Variants in RPA1 observed in about 807,000 individuals in gnomAD.
RPA1 encodes replication protein A1.
Under a neutral mutation model 83.0 loss-of-function variants are expected in RPA1, and 49 were observed. The observed-to-expected ratio is 0.59, with a 90% CI of 0.47 to 0.75. The LOEUF (loss-of-function observed/expected upper bound fraction) is 0.75, where lower values mean the gene tolerates loss of function less well. RPA1 is among the 30% of genes least tolerant of loss of function. The probability of loss-of-function intolerance (pLI) is 0.00; values close to 1 mark genes in which losing one functional copy is unlikely to be tolerated. For synonymous variants in RPA1, 279 were observed against 281.8 expected (o/e 0.99, Z 0.10); for missense variants, 693 against 776.1 (o/e 0.89, Z 1.27).
At chr17:1,889,504 T>C (rs1165586291) in intron 14 of RPA1, among the ~76,000 whole-genome samples, 1 of 151,936 alleles carries the variant, frequency 6.6e-6, no homozygotes, top group African/African-American at 2.4e-5. Flanking sequence ...CCCAGCTAAT[T>C]TTTAAAATTA....
chr17:1,879,792 G>A, intron 11 of RPA1, 93 bp downstream of exon 11: 1 of 1,505,150 alleles, frequency 6.6e-7, no homozygotes, highest in Non-Finnish European at 9.1e-7. Context: ...AGCACACACA[G>A]GAGGAGCTCC....
At chr17:1,833,015 C>T (rs1327996353) in intron 1 of RPA1, among the ~76,000 whole-genome samples, 1 of 152,212 alleles carries the variant, frequency 6.6e-6, no homozygotes, top group African/African-American at 2.4e-5. Flanking sequence ...CAACCTCTGC[C>T]TCCCGGGTTC....
intron 3 of RPA1, 62 bp downstream of exon 3, chr17:1,844,060 C>T: frequency 6.9e-7 from 1 of 1,442,218 alleles, no homozygotes; most frequent in South Asian, 1.2e-5. Context: ...CACACCTGGT[C>T]CTTTGGTTGC....
Position 1,853,164 on chromosome 17 carries a change from T to G in RPA1, c.336T>G (p.Ile112Met), listed in dbSNP as rs750892999. Residue 112 changes from isoleucine (I) to methionine (M), a missense_variant, in exon 5 of 17, where the codon ATT becomes ATG. Transcript: ENST00000254719. Reference protein sequence around the residue: ...LKSAEAVGVKIGNPVPYNEGL... With the variant: ...LKSAEAVGVKMGNPVPYNEGL... Reference sequence around the variant, plus strand: ...CAGCTGAAGCAGTTGGAGTGAAGATTGGCAATCCAGTGCCCTATAATGAAG... The same window carrying G: ...CAGCTGAAGCAGTTGGAGTGAAGATGGGCAATCCAGTGCCCTATAATGAAG... 8.1e-6 allele frequency: 13 copies of G among 1,614,006 alleles called. No homozygotes were observed. In the South Asian group the frequency reaches 1.1e-4, roughly 14 times the overall value.
At position 1,842,790 on chromosome 17, in the gene RPA1, T is replaced by G. The variant is rs778982217; in HGVS notation, c.34-13T>G. On this transcript the variant is annotated splice_polypyrimidine_tract_variant and intron_variant, in intron 1 of 16. Coordinates refer to ENST00000254719, the MANE Select transcript of RPA1 (RefSeq NM_002945.5). ...AGTGCGTATCTCACACAAACCTGTTTTTACTCCCTCAGGCCATCATGCAGA... is the reference window on the plus strand; with the variant it reads ...AGTGCGTATCTCACACAAACCTGTTGTTACTCCCTCAGGCCATCATGCAGA... The G allele has an allele frequency of 6.2e-7, 1 of 1,613,004 alleles. No individual in the cohort carries two copies. The highest frequency in any genetic ancestry group is 1.3e-5 in the African/African-American group (1 of 74,896).
Position 1,897,431 on chromosome 17 carries a change from C to A in RPA1, c.*256C>A. On this transcript the variant is annotated 3_prime_UTR_variant, in exon 17 of 17. Coordinates refer to ENST00000254719, the MANE Select transcript of RPA1 (RefSeq NM_002945.5). ...AGCGCAAGACCAGTCACTCCCTCTG[C>A]CTTCAGGCTTCTGTCAATTTCATTA... 1 of 379,502 alleles carries A rather than the reference C, an allele frequency of 2.6e-6. No homozygotes were observed. Among genetic ancestry groups the A allele is most frequent in the Non-Finnish European group, 4.7e-6 (1 of 210,914 alleles). 23.5% of individuals were successfully genotyped at this position (379,502 alleles called of 1,614,324 possible).
Position 1,877,278 on chromosome 17 carries a change from A to C in RPA1, c.654A>C (p.Glu218Asp), listed in dbSNP as rs751641978. The C allele has an allele frequency of 6.2e-7, 1 of 1,614,154 alleles. No individual in the cohort carries two copies. The highest frequency in any genetic ancestry group is 1.3e-5 in the African/African-American group (1 of 75,052). ...GTACCTGGAGCAACTCCCGAGGGGA[A>C]GGGAAGCTTTTCTCCCTAGAACTGG... is the stretch of plus-strand genomic sequence containing the variant. ...QIRTWSNSRG[E>D]GKLFSLELVD... Residue 218 changes from glutamate to aspartate, a missense_variant, in exon 8 of 17, where the codon GAA becomes GAC. Coordinates refer to ENST00000254719, the MANE Select transcript of RPA1 (RefSeq NM_002945.5).
chr17:1,888,605 G>C, intron 13 of RPA1, 70 bp from the exon 14 acceptor site: 1 of 1,505,888 alleles, frequency 6.6e-7, no homozygotes, highest in Non-Finnish European at 9.0e-7. Flanking sequence ...GGCAGGCTTT[G>C]AGCTGCCTCT....
chr17:1,893,565 TTTTC>T (rs1914277803), intron 15 of RPA1, among the ~76,000 whole-genome samples: 1 of 152,150 alleles, frequency 6.6e-6, no homozygotes, highest in Non-Finnish European at 1.5e-5. Context: ...ATTAATTAGT[TTTTC>T]TTTTTTTTTG....
chr17:1,861,950 A>T (rs1337510425), intron 5 of RPA1, among the ~76,000 whole-genome samples: 1 of 151,310 alleles, frequency 6.6e-6, no homozygotes, highest in East Asian at 1.9e-4. Context: ...CCCAGGCTGG[A>T]GTGCAGTGGC....
intron 5 of RPA1, among the ~76,000 whole-genome samples, chr17:1,868,478 G>GA (rs1913266246): frequency 6.6e-6 from 1 of 152,158 alleles, no homozygotes; most frequent in East Asian, 1.9e-4. Context: ...AATGTGCGTT[G>GA]AAATTGTCTT....
chr17:1,894,922 T>C, intron 15 of RPA1, 87 bp from the exon 16 acceptor site: 1 of 1,047,994 alleles, frequency 9.5e-7, no homozygotes. Context: ...AGGAGATGCA[T>C]TTTCAGAAGT....
chr17:1,855,495 A>G (rs1314150603), intron 5 of RPA1, among the ~76,000 whole-genome samples: 1 of 152,128 alleles, frequency 6.6e-6, no homozygotes, highest in Non-Finnish European at 1.5e-5. Context: ...TTGGTTTTTG[A>G]GCGCTAAACC....
chr17:1,897,389 G>A lies in RPA1; in HGVS notation c.*214G>A, dbSNP rs1033405093. 18 of 499,444 alleles carry A rather than the reference G, an allele frequency of 3.6e-5. No homozygotes were observed. In the Middle Eastern group the frequency reaches 1.6e-3, roughly 44 times the overall value. The allele number at this position is 499,444 out of a possible 1,614,324, so 30.9% of individuals were successfully genotyped here. A position where few individuals can be genotyped will look rare whatever the true frequency, so the allele number is the denominator to read the frequency against. On this transcript the variant is annotated 3_prime_UTR_variant, in exon 17 of 17. Transcript: ENST00000254719. ...GTGGTGTAGACTGTGTCAGGCCTAC[G>A]GAGTCAGCCAGTGGCTAGCGCAAGA...
chr17:1,856,619 C>T (rs1447742901), intron 5 of RPA1, among the ~76,000 whole-genome samples: 1 of 151,620 alleles, frequency 6.6e-6, no homozygotes, highest in East Asian at 1.9e-4. Context: ...CAAAACGAAA[C>T]TATATATAGT....
intron 12 of RPA1, among the ~76,000 whole-genome samples, chr17:1,881,898 G>A (rs938896410): frequency 2.0e-5 from 3 of 152,248 alleles, no homozygotes; most frequent in African/African-American, 7.2e-5. Context: ...CTTGACTCCT[G>A]ACGAGTGATC....
rs1051315 is a variant in RPA1 at position 1,897,843 on chromosome 17, G to T, written c.*668G>T. The T allele has an allele frequency of 0.059, 9,009 of 152,752 alleles. 274 individuals carry two copies. The highest frequency in any genetic ancestry group is 0.08 in the African/African-American group (3,303 of 41,524). 9.5% of individuals were successfully genotyped at this position (152,752 alleles called of 1,614,324 possible). A position where few individuals can be genotyped will look rare whatever the true frequency, so the allele number is the denominator to read the frequency against. On this transcript the variant is annotated 3_prime_UTR_variant, in exon 17 of 17. Coordinates refer to ENST00000254719, the MANE Select transcript of RPA1 (RefSeq NM_002945.5). ...CTTCTGAGGACCGCTGATAAGCATT[G>T]ACTTGCCGTCCCCTAAGGAAATCCG...
chr17:1,831,817 T>C (rs535586616), intron 1 of RPA1, among the ~76,000 whole-genome samples: 1 of 151,610 alleles, frequency 6.6e-6, no homozygotes, highest in East Asian at 1.9e-4. Context: ...GCCAGGATGG[T>C]CTCGATCTCC....
chr17:1,877,341 A>T (rs1337952390), intron 8 of RPA1, 27 bp downstream of exon 8: 3 of 1,601,874 alleles, frequency 1.9e-6, no homozygotes, highest in Non-Finnish European at 2.6e-6. Flanking sequence ...CTGGGGAGTG[A>T]GGGCAGTGGG....
Sources: gnomAD v4.1 joint callset for allele counts (sites outside exome capture counted in the v4.1 genomes callset) on GRCh38, gnomAD v4.1.1 for gene constraint, MANE v1.5 for transcripts, NCBI Gene and HGNC (gene_info 2026-07-23, HGNC 2026-07-21) for gene names.